Variants in RAB3A observed in about 807,000 individuals in gnomAD.
RAB3A encodes the protein ras-related protein Rab-3A.
Under a neutral mutation model 19.7 loss-of-function variants are expected in RAB3A, and 5 were observed. The ratio of observed to expected loss-of-function variants is 0.25; its 90% CI spans 0.13 to 0.53. RAB3A has a LOEUF of 0.53. RAB3A is among the 20% of genes least tolerant of loss of function. The pLI is 0.95. For missense variants in RAB3A, 189 were observed against 305.6 expected (o/e 0.62, Z 2.85); for synonymous variants, 119 against 122.1 (o/e 0.97, Z 0.17).
rs911216976 is a variant in RAB3A at position 18,202,804 on chromosome 19, C to G, written c.1-64G>C. Reference sequence around the variant, plus strand: ...CTCTCCATCCTCATGTGCCCAAGCCCAGGCAGAAGATGGCAAGGGCTCCAG... The same window carrying G: ...CTCTCCATCCTCATGTGCCCAAGCCGAGGCAGAAGATGGCAAGGGCTCCAG... On this transcript the variant is annotated intron_variant, in intron 1 of 4. Transcript: ENST00000222256. The surrounding 1 kb of genome is among the most constrained non-coding windows in gnomAD (Gnocchi z 4.2). 6 of 1,373,742 alleles carry G rather than the reference C, an allele frequency of 4.4e-6. No homozygotes were observed. Among genetic ancestry groups the G allele is most frequent in the Non-Finnish European group, 6.2e-6 (6 of 972,740 alleles). The allele number at this position is 1,373,742 out of a possible 1,614,324, so 85.1% of individuals were successfully genotyped here. A position where few individuals can be genotyped will look rare whatever the true frequency, so the allele number is the denominator to read the frequency against.
In RAB3A at chr19:18,197,026, C is replaced by G. The variant is rs868615285; in HGVS notation, c.*444G>C. On this transcript the variant is annotated 3_prime_UTR_variant, in exon 5 of 5. Transcript: ENST00000222256. Reference sequence around the variant, plus strand: ...TCCCCATGGTCCACACAGGGAAACCCCCAACAGCGGCCTCGGCCCACCGCG... The same window carrying G: ...TCCCCATGGTCCACACAGGGAAACCGCCAACAGCGGCCTCGGCCCACCGCG... 1.7e-5 allele frequency: 3 copies of G among 174,396 alleles called. No homozygotes were observed. Among genetic ancestry groups the G allele is most frequent in the African/African-American group, 7.2e-5 (3 of 41,744 alleles). The allele number at this position is 174,396 out of a possible 1,614,324, so 10.8% of individuals were successfully genotyped here.
chr19:18,197,759 T>C, intron 4 of RAB3A, 99 bp from the exon 5 acceptor site: 1 of 1,024,750 alleles, frequency 9.8e-7, no homozygotes, highest in Non-Finnish European at 1.4e-6. Flanking sequence ...AGATTCCCAG[T>C]GCCAAGCAAC....
chr19:18,202,406 T>C lies in RAB3A; in HGVS notation c.228+107A>G. On this transcript the variant is annotated intron_variant, in intron 2 of 4. Coordinates refer to ENST00000222256, the MANE Select transcript of RAB3A (RefSeq NM_002866.5). This position sits in a 1 kb window ranked among gnomAD's most constrained non-coding sequence, Gnocchi z 4.2. ...GCACCTTACTGATAAATGCCCAGTG[T>C]GTAAGTGAATGACTCCAGTCAGGAA... The C allele has an allele frequency of 9.9e-7, 1 of 1,008,680 alleles. No homozygotes were observed. Among genetic ancestry groups the C allele is most frequent in the Non-Finnish European group, 1.5e-6 (1 of 660,428 alleles). The allele number at this position is 1,008,680 out of a possible 1,614,324, so 62.5% of individuals were successfully genotyped here.
At chr19:18,200,972 C>T (rs530602469) in intron 2 of RAB3A, among the ~76,000 whole-genome samples, 79 of 151,726 alleles carry the variant, frequency 5.2e-4, no homozygotes, top group Non-Finnish European at 9.7e-4. Flanking sequence ...TGGTGGCTCA[C>T]GCCTGTAATC....
Position 18,197,088 on chromosome 19 carries a change from A to G in RAB3A, c.*382T>C, listed in dbSNP as rs531328661. On this transcript the variant is annotated 3_prime_UTR_variant, in exon 5 of 5. Transcript: ENST00000222256. The stretch of plus-strand genomic sequence containing the variant: ...GGGCTGGCAGGCCTGGCCACCTCCC[A>G]TTGCCCGATCAGCCTGCTTTAGGGT... 210 of 196,050 alleles carry G rather than the reference A, an allele frequency of 1.1e-3. No homozygotes were observed. The highest frequency in any genetic ancestry group is 4.9e-3 in the African/African-American group (195 of 39,750). The allele number at this position is 196,050 out of a possible 1,614,324, so 12.1% of individuals were successfully genotyped here. A position where few individuals can be genotyped will look rare whatever the true frequency, so the allele number is the denominator to read the frequency against.
At position 18,202,729 on chromosome 19, in the gene RAB3A, G is replaced by A; in HGVS notation, c.12C>T (p.Ala4=). 6.2e-7 allele frequency: 1 copy of A among 1,614,080 alleles called. No individual in the cohort carries two copies. Among genetic ancestry groups the A allele is most frequent in the Non-Finnish European group, 8.5e-7 (1 of 1,179,952 alleles). ...CCTTCTGCCCATAGCGCGAGTCTGT[G>A]GCGGATGCCATCTGGGGATACCGGG... The part of the protein sequence containing the change: MAS[A]TDSRYGQKES... Residue 4 remains alanine, a synonymous_variant, in exon 2 of 5, where the codon GCC becomes GCT. Transcript: ENST00000222256. This position sits in a 1 kb window ranked among gnomAD's most constrained non-coding sequence, Gnocchi z 4.2.
chr19:18,202,665 G>C lies in RAB3A; in HGVS notation c.76C>G (p.Leu26Val). Residue 26 changes from leucine (L) to valine (V), a missense_variant, in exon 2 of 5, where the codon CTC becomes GTC. Physicochemically the swap from Leu to Val is conservative, Grantham distance 32. Coordinates refer to ENST00000222256, the MANE Select transcript of RAB3A (RefSeq NM_002866.5). This position sits in a 1 kb window ranked among gnomAD's most constrained non-coding sequence, Gnocchi z 4.2. ...CCCACGCTGCTGTTGCCGATGATGA[G>C]AATCTTGAACATGTAGTCGAAGTTC... ...DQNFDYMFKI[L>V]IIGNSSVGKT... 6.2e-7 allele frequency: 1 copy of C among 1,614,194 alleles called. No individual in the cohort carries two copies. Among genetic ancestry groups the C allele is most frequent in the Non-Finnish European group, 8.5e-7 (1 of 1,180,038 alleles).
At chr19:18,203,475 G>C (rs1017258666) in intron 1 of RAB3A, among the ~76,000 whole-genome samples, 5 of 152,132 alleles carry the variant, frequency 3.3e-5, no homozygotes, top group Non-Finnish European at 7.4e-5. Flanking sequence ...CGGTCCACAC[G>C]TCTTTCTCCA....
intron 3 of RAB3A, among the ~76,000 whole-genome samples, chr19:18,199,485 G>C (rs1967579502): frequency 6.6e-6 from 1 of 150,434 alleles, no homozygotes; most frequent in East Asian, 2.0e-4. Context: ...TATTACTTCT[G>C]AGCAGAAAAT....
Position 18,202,899 on chromosome 19 carries a change from G to A in RAB3A, c.1-159C>T, listed in dbSNP as rs1415969939. 5.0e-6 allele frequency: 3 copies of A among 606,056 alleles called. No homozygotes were observed. The highest frequency in any genetic ancestry group is 1.9e-5 in the African/African-American group (1 of 53,932). The allele number at this position is 606,056 out of a possible 1,614,324, so 37.5% of individuals were successfully genotyped here. On this transcript the variant is annotated intron_variant, in intron 1 of 4. Coordinates refer to ENST00000222256, the MANE Select transcript of RAB3A (RefSeq NM_002866.5). This position sits in a 1 kb window ranked among gnomAD's most constrained non-coding sequence, Gnocchi z 4.2. ...CCAGTATTAATTGGTGGTGCCCCCA[G>A]CAGAGGGCAGCCTGTGACCTTGAAA...
At chr19:18,198,950 C>A in intron 3 of RAB3A, 101 bp from the exon 4 acceptor site, 1 of 1,446,468 alleles carries the variant, frequency 6.9e-7, no homozygotes, top group East Asian at 2.4e-5. Flanking sequence ...GGAAGAAAGA[C>A]CCAGAAGCTT....
At chr19:18,203,709 G>T (rs542623486) in intron 1 of RAB3A, among the ~76,000 whole-genome samples, 187 bp downstream of exon 1, 1 of 152,324 alleles carries the variant, frequency 6.6e-6, no homozygotes, top group South Asian at 2.1e-4. Flanking sequence ...GGTTGGGGGG[G>T]TTAGTGGTGA....
At chr19:18,203,266 T>C (rs1967640302) in intron 1 of RAB3A, among the ~76,000 whole-genome samples, 1 of 152,136 alleles carries the variant, frequency 6.6e-6, no homozygotes, top group Admixed American at 6.5e-5. Context: ...TCAAACACGC[T>C]CATCCGTACA....
intron 3 of RAB3A, among the ~76,000 whole-genome samples, chr19:18,199,523 C>G (rs191911793): frequency 6.6e-6 from 1 of 151,704 alleles, no homozygotes. Flanking sequence ...CTAACCTATG[C>G]CAACTCTCCT....
In RAB3A at chr19:18,202,484, C is replaced by A. The variant is rs1007670471; in HGVS notation, c.228+29G>T. 6.3e-7 allele frequency: 1 copy of A among 1,597,364 alleles called. No individual in the cohort carries two copies. The highest frequency in any genetic ancestry group is 1.1e-5 in the South Asian group (1 of 90,624). Reference sequence around the variant, plus strand: ...TCCAAGTACGGGAATCCAACCGAGCCGGGCGGGAGCCCTCCAGCTGGGACC... The same window carrying A: ...TCCAAGTACGGGAATCCAACCGAGCAGGGCGGGAGCCCTCCAGCTGGGACC... On this transcript the variant is annotated intron_variant, in intron 2 of 4. Coordinates refer to ENST00000222256, the MANE Select transcript of RAB3A (RefSeq NM_002866.5). This position sits in a 1 kb window ranked among gnomAD's most constrained non-coding sequence, Gnocchi z 4.2.
intron 4 of RAB3A, among the ~76,000 whole-genome samples, chr19:18,198,212 CA>C (rs1400231911): frequency 6.6e-6 from 1 of 152,160 alleles, no homozygotes; most frequent in Non-Finnish European, 1.5e-5. Context: ...TATTGCCCTC[CA>C]AAGAGTCCCA....
At chr19:18,201,755 G>C (rs1418407700) in intron 2 of RAB3A, among the ~76,000 whole-genome samples, 4 of 152,172 alleles carry the variant, frequency 2.6e-5, no homozygotes, top group African/African-American at 7.2e-5. Flanking sequence ...ATATTGGAGA[G>C]TGACAAGGAC....
chr19:18,201,287 G>GAA (rs1048423255), intron 2 of RAB3A, among the ~76,000 whole-genome samples: 2 of 141,818 alleles, frequency 1.4e-5, no homozygotes, highest in East Asian at 4.3e-4. Context: ...AAGAAAGAAA[G>GAA]AAAGAAAACA....
chr19:18,201,616 G>A (rs1212672458), intron 2 of RAB3A, among the ~76,000 whole-genome samples: 1 of 152,022 alleles, frequency 6.6e-6, no homozygotes, highest in African/African-American at 2.4e-5. Context: ...AAACAAACAT[G>A]GACTGGGCAC....
Sources: gnomAD v4.1 joint callset for allele counts (sites outside exome capture counted in the v4.1 genomes callset) on GRCh38, gnomAD v4.1.1 for gene constraint, Gnocchi (gnomAD v3.1) non-coding constraint, MANE v1.5 for transcripts, NCBI Gene and HGNC (gene_info 2026-07-23, HGNC 2026-07-21) for gene names.